ARHGEF18: variants seen among roughly 807,000 people sequenced by gnomAD.
ARHGEF18 encodes the protein Rho/Rac guanine nucleotide exchange factor 18.
In ARHGEF18, 93 loss-of-function variants were observed where a neutral mutation model predicts 155.7. The ratio of observed to expected loss-of-function variants is 0.60; its 90% CI spans 0.50 to 0.71. The LOEUF (loss-of-function observed/expected upper bound fraction) is 0.71. Ranked by LOEUF, ARHGEF18 falls within the 30% of genes least tolerant of loss-of-function variation. The probability of loss-of-function intolerance (pLI) is 0.00; values close to 1 mark genes in which losing one functional copy is unlikely to be tolerated. For missense variants in ARHGEF18, 1,593 were observed against 1,816.1 expected (o/e 0.88, Z 2.23); for synonymous variants, 742 against 753.1 (o/e 0.99, Z 0.24).
Position 7,467,701 on chromosome 19 carries a change from C to T in ARHGEF18, c.3480+17C>T, listed in dbSNP as rs941714313. On this transcript the variant is annotated intron_variant, in intron 26 of 28. Coordinates refer to ENST00000668164, the MANE Select transcript of ARHGEF18 (RefSeq NM_001367823.1). ...CTGGCCGAGGTGAGCGCGCAGCAGC[C>T]AGTGTGCGCAGGTTGGGGGTGACCG... is the stretch of plus-strand genomic sequence containing the variant. 6.8e-7 allele frequency: 1 copy of T among 1,466,056 alleles called. No individual in the cohort carries two copies. The highest frequency in any genetic ancestry group is 8.9e-7 in the Non-Finnish European group (1 of 1,118,474). 90.8% of individuals were successfully genotyped at this position (1,466,056 alleles called of 1,614,324 possible). A position where few individuals can be genotyped will look rare whatever the true frequency, so the allele number is the denominator to read the frequency against.
At chr19:7,394,901 C>T (rs1033656162) in intron 10 of ARHGEF18, 29 of 236,980 alleles carry the variant, frequency 1.2e-4, no homozygotes, top group Admixed American at 2.0e-4. Flanking sequence ...CCCCGCTGAC[C>T]CGCCCCTCAA....
intron 1 of ARHGEF18, among the ~76,000 whole-genome samples, chr19:7,349,892 C>T (rs1969116102): frequency 6.6e-6 from 1 of 152,106 alleles, no homozygotes; most frequent in East Asian, 1.9e-4. Flanking sequence ...TTCCGGGCCC[C>T]CCAAGAACCT....
intron 15 of ARHGEF18, 131 bp from the exon 16 acceptor site, chr19:7,451,018 A>T: frequency 1.2e-6 from 1 of 831,622 alleles, no homozygotes; most frequent in Non-Finnish European, 2.0e-6. Context: ...CCGAGATGTT[A>T]ATATGGGATC....
chr19:7,397,285 A>T (rs1329977488), intron 10 of ARHGEF18, among the ~76,000 whole-genome samples: 2 of 151,724 alleles, frequency 1.3e-5, no homozygotes, highest in Non-Finnish European at 2.9e-5. Flanking sequence ...TTCTTTTTAG[A>T]GACAGGGTCT....
chr19:7,423,963 C>G (rs1395697283), intron 10 of ARHGEF18, among the ~76,000 whole-genome samples: 2 of 152,058 alleles, frequency 1.3e-5, no homozygotes, highest in African/African-American at 4.8e-5. Flanking sequence ...AACTGACACA[C>G]TATTGATTTG....
intron 10 of ARHGEF18, among the ~76,000 whole-genome samples, chr19:7,388,236 G>GT (rs1971192229): frequency 2.0e-5 from 3 of 151,980 alleles, no homozygotes; most frequent in African/African-American, 4.8e-5. Flanking sequence ...CCCAAGCACT[G>GT]TAAGTGCTTT....
chr19:7,474,561 A>G (rs1167747305), downstream of ARHGEF18, among the ~76,000 whole-genome samples: 1 of 151,778 alleles, frequency 6.6e-6, no homozygotes, highest in Non-Finnish European at 1.5e-5. Flanking sequence ...GCATTTTTGT[A>G]GAGATGGGGT....
intron 10 of ARHGEF18, among the ~76,000 whole-genome samples, chr19:7,393,487 G>A (rs1414449369): frequency 6.6e-6 from 1 of 152,132 alleles, no homozygotes; most frequent in Non-Finnish European, 1.5e-5. Flanking sequence ...AGGATTACAG[G>A]CATGAGCCGT....
rs527577736 is a variant in ARHGEF18, at chr19:7,429,333, C to T, written c.968-11011C>T. ...CCGTTAAACAGAAGGCCAGGTGTGG[C>T]GGCTCATGCCTGTAATCCCAGCACT... On this transcript the variant is annotated intron_variant, in intron 10 of 28. Coordinates refer to ENST00000668164, the MANE Select transcript of ARHGEF18 (RefSeq NM_001367823.1). Among the ~76,000 whole-genome samples the T allele has an allele frequency of 7.9e-5, 12 of 152,210 alleles. No homozygotes were observed. In the South Asian group the frequency reaches 1.7e-3, roughly 21 times the overall value.
chr19:7,439,216 A>T (rs1974467856), intron 10 of ARHGEF18, among the ~76,000 whole-genome samples: 1 of 150,942 alleles, frequency 6.6e-6, no homozygotes, highest in Non-Finnish European at 1.5e-5. Flanking sequence ...GCATCTTGGG[A>T]GGCCCAAAGC....
rs751327223 is a variant in ARHGEF18 at position 7,469,894 on chromosome 19, T to C, written c.3788-10T>C. 24 of 1,612,060 alleles carry C rather than the reference T, an allele frequency of 1.5e-5. 1 individual carries two copies. The South Asian group carries it at 2.3e-4, about 15-fold the overall frequency. ...GCCTGGAGCTGGCCCAAATACCTTC[T>C]CTCTTCCAGCGTCCTTCGACCTGAA... On this transcript the variant is annotated splice_polypyrimidine_tract_variant and intron_variant, in intron 27 of 28. Transcript: ENST00000668164.
intron 10 of ARHGEF18, among the ~76,000 whole-genome samples, chr19:7,412,868 T>G (rs1239254404): frequency 6.6e-6 from 1 of 152,156 alleles, no homozygotes; most frequent in Non-Finnish European, 1.5e-5. Context: ...ACTGGTCGTT[T>G]GTATCTCTTC....
At chr19:7,384,499 G>A (rs569455857) in intron 10 of ARHGEF18, among the ~76,000 whole-genome samples, 10 of 152,290 alleles carry the variant, frequency 6.6e-5, no homozygotes, top group African/African-American at 2.4e-4. Context: ...TGCTTCAGGC[G>A]TGGGAATTTT....
intron 2 of ARHGEF18, among the ~76,000 whole-genome samples, chr19:7,365,948 A>G (rs1446122065): frequency 6.6e-6 from 1 of 151,750 alleles, no homozygotes; most frequent in Non-Finnish European, 1.5e-5. Context: ...AGCTGAACAC[A>G]TATGTATTTT....
In ARHGEF18 at chr19:7,451,185, G is replaced by T. The variant is rs368588291; in HGVS notation, c.1774G>T (p.Val592Leu). Residue 592 changes from valine to leucine, a missense_variant, in exon 16 of 29, where the codon GTG (valine) becomes TTG (leucine). Physicochemically the swap from Val to Leu is conservative, Grantham distance 32. Transcript: ENST00000668164. ...GNFSIVRRLG[V>L]QECILLVTQR... ...CTTCTCCATCGTGCGGCGGCTTGGCGTGCAGGAGTGCATTCTCCTGGTTAC... is the reference window on the plus strand; with the variant it reads ...CTTCTCCATCGTGCGGCGGCTTGGCTTGCAGGAGTGCATTCTCCTGGTTAC... The T allele has an allele frequency of 7.5e-6, 12 of 1,610,162 alleles. No homozygotes were observed. The highest frequency in any genetic ancestry group is 9.3e-6 in the Non-Finnish European group (11 of 1,179,044).
Position 7,467,066 on chromosome 19 carries a change from CGCA to C in ARHGEF18, c.2962-2_2962del. The C allele has an allele frequency of 6.2e-7, 1 of 1,609,334 alleles. No homozygotes were observed. The highest frequency in any genetic ancestry group is 8.5e-7 in the Non-Finnish European group (1 of 1,176,800). ...CTAGCATCAATCTCCCTCTCCTCTC[CGCA>C]GCTTGTCCAGCGGATCCAGACACTG... On this transcript the variant is annotated splice_acceptor_variant and splice_polypyrimidine_tract_variant and intron_variant, in intron 24 of 28. Transcript: ENST00000668164. LOFTEE classifies it high-confidence loss of function.
At position 7,462,425 on chromosome 19, in the gene ARHGEF18, G is replaced by A. The variant is rs934524097; in HGVS notation, c.2635+91G>A. On this transcript the variant is annotated intron_variant, in intron 21 of 28. Coordinates refer to ENST00000668164, the MANE Select transcript of ARHGEF18 (RefSeq NM_001367823.1). This position sits in a 1 kb window ranked among gnomAD's most constrained non-coding sequence, Gnocchi z 4.4. Reference sequence around the variant, plus strand: ...GCCAGGCTCACGGCTCATTGTGGCCGACACGGCACCCTGTCCAGGACAGGC... The same window carrying A: ...GCCAGGCTCACGGCTCATTGTGGCCAACACGGCACCCTGTCCAGGACAGGC... The A allele has an allele frequency of 4.3e-5, 60 of 1,382,484 alleles. No homozygotes were observed. Among genetic ancestry groups the A allele is most frequent in the Middle Eastern group, 2.6e-4 (1 of 3,852 alleles). The allele number at this position is 1,382,484 out of a possible 1,614,324, so 85.6% of individuals were successfully genotyped here.
In ARHGEF18 at chr19:7,455,342, G is replaced by A. The variant is rs950497676; in HGVS notation, c.2105-985G>A. Among the ~76,000 whole-genome samples the A allele has an allele frequency of 2.0e-5, 3 of 152,346 alleles. No homozygotes were observed. In the South Asian group the frequency reaches 6.2e-4, roughly 32 times the overall value. On this transcript the variant is annotated intron_variant, in intron 17 of 28. Coordinates refer to ENST00000668164, the MANE Select transcript of ARHGEF18 (RefSeq NM_001367823.1). ...TTAGAAGTCCAGCACATGCTTTAAGGAAGCCAGCAGGCTGCAGTGTGAGAG... is the reference window on the plus strand; with the variant it reads ...TTAGAAGTCCAGCACATGCTTTAAGAAAGCCAGCAGGCTGCAGTGTGAGAG...
At chr19:7,353,523 G>A (rs1969204538) in intron 1 of ARHGEF18, among the ~76,000 whole-genome samples, 1 of 150,882 alleles carries the variant, frequency 6.6e-6, no homozygotes, top group South Asian at 2.1e-4. Flanking sequence ...CCGGGAGGCA[G>A]AGGTTGCAGT....
Sources: allele counts gnomAD v4.1 joint callset (sites outside exome capture counted in the v4.1 genomes callset), GRCh38; gene constraint gnomAD v4.1.1; non-coding constraint Gnocchi (gnomAD v3.1); transcripts MANE v1.5; gene names NCBI Gene and HGNC (gene_info 2026-07-23, HGNC 2026-07-21).